The following PRCP variants were observed in gnomAD, a reference collection of about 807,000 sequenced individuals.
The protein encoded by PRCP is lysosomal Pro-X carboxypeptidase.
Under a neutral mutation model 54.2 loss-of-function variants are expected in PRCP, and 46 were observed. The observed-to-expected ratio is 0.85, with a 90% CI of 0.67 to 1.09. The LOEUF (loss-of-function observed/expected upper bound fraction) is 1.09, where lower values mean the gene tolerates loss of function less well. Ranked by LOEUF, PRCP falls within the 50% of genes least tolerant of loss-of-function variation. The probability of loss-of-function intolerance (pLI) is 0.00; values close to 1 mark genes in which losing one functional copy is unlikely to be tolerated. For synonymous variants in PRCP, 240 were observed against 212.2 expected (o/e 1.13, Z -1.14); for missense variants, 613 against 596.8 (o/e 1.03, Z -0.28).
intron 1 of PRCP, among the ~76,000 whole-genome samples, chr11:82,888,982 T>C (rs111394587): frequency 2.6e-3 from 403 of 152,274 alleles, no homozygotes; most frequent in Non-Finnish European, 4.4e-3. Context: ...TATAAAAGAT[T>C]ATATATAACA....
In PRCP at chr11:82,823,201, G is replaced by A. The variant is rs1858138039; in HGVS notation, c.*1705C>T. Among the ~76,000 whole-genome samples, 1 of 151,988 alleles carries A rather than the reference G, an allele frequency of 6.6e-6. No homozygotes were observed. The highest frequency in any genetic ancestry group is 2.4e-5 in the African/African-American group (1 of 41,360). ...CAAATAATCAACATCAAATAAAATGGCAAAGTATTTTAAAGATTCTACACA... is the reference window on the plus strand; with the variant it reads ...CAAATAATCAACATCAAATAAAATGACAAAGTATTTTAAAGATTCTACACA... On this transcript the variant is annotated 3_prime_UTR_variant, in exon 9 of 9. Transcript: ENST00000313010.
Position 82,900,309 on chromosome 11 carries a change from G to C in PRCP, c.94C>G (p.Leu32Val), listed in dbSNP as rs775132849. ...LRPALRALGS[L>V]HLPTNPTSLP... ...GATGTGGGGTTGGTTGGCAAGTGTA[G>C]GCTGCCGAGGGCCCTTAAGGCCGGC... The change falls in exon 1 of 9, where the codon CTA becomes GTA. Residue 32 changes from leucine to valine, a missense_variant. Transcript: ENST00000313010. 6.2e-7 allele frequency: 1 copy of C among 1,614,244 alleles called. No individual in the cohort carries two copies. The highest frequency in any genetic ancestry group is 2.2e-5 in the East Asian group (1 of 44,894).
chr11:82,836,894 C>G, intron 8 of PRCP: 1 of 386,720 alleles, frequency 2.6e-6, no homozygotes, highest in Non-Finnish European at 5.2e-6. Context: ...GTTCTACAGA[C>G]GGTAATAACC....
intron 2 of PRCP, among the ~76,000 whole-genome samples, chr11:82,856,609 ATTCAT>A (rs1859087336): frequency 6.6e-6 from 1 of 152,186 alleles, no homozygotes; most frequent in African/African-American, 2.4e-5. Context: ...TGATGGGATC[ATTCAT>A]ACACCAAATC....
At chr11:82,838,267 C>A (rs1858572160) in intron 8 of PRCP, 120 bp downstream of exon 8, 1 of 896,858 alleles carries the variant, frequency 1.1e-6, no homozygotes, top group Non-Finnish European at 1.6e-6. Flanking sequence ...GAAAACATGA[C>A]AGGTAGCACT....
intron 8 of PRCP, chr11:82,835,457 T>C (rs540307025): frequency 8.4e-5 from 16 of 190,530 alleles, no homozygotes; most frequent in African/African-American, 3.8e-4. Flanking sequence ...GCCAGGGGCC[T>C]GGGGCTGGGC....
intron 1 of PRCP, among the ~76,000 whole-genome samples, chr11:82,895,449 C>G (rs12282793): frequency 0.24 from 36,461 of 152,004 alleles, 4,934 homozygotes; most frequent in Admixed American, 0.3. Flanking sequence ...CAGGTGTGAG[C>G]CACCACACCC....
At position 82,900,405 on chromosome 11, in the gene PRCP, C is replaced by G. The variant is rs1860248981; in HGVS notation, c.-3G>C. On this transcript the variant is annotated 5_prime_UTR_variant, in exon 1 of 9. Coordinates refer to ENST00000313010, the MANE Select transcript of PRCP (RefSeq NM_005040.4). ...AGCAGGAGGGCTCGGCGGCCCATGG[C>G]TCAGGCTGGAGACTGCAGTGCGGGT... 6.2e-7 allele frequency: 1 copy of G among 1,613,180 alleles called. No homozygotes were observed. The highest frequency in any genetic ancestry group is 8.5e-7 in the Non-Finnish European group (1 of 1,179,824).
rs115092430 is a variant in PRCP, at chr11:82,841,774, T to C, written c.922-2349A>G. 4.0e-3 allele frequency among the ~76,000 whole-genome samples: 609 copies of C among 152,246 alleles called. 5 individuals are homozygous for C. The highest frequency in any genetic ancestry group is 0.014 in the African/African-American group (578 of 41,530). On this transcript the variant is annotated intron_variant, in intron 6 of 8. Coordinates refer to ENST00000313010, the MANE Select transcript of PRCP (RefSeq NM_005040.4). ...GATTTTTCATGGTAAGTCAAAAAAA[T>C]ACCTAACATTTGCATGGCACTTTTC...
In PRCP at chr11:82,900,309, G is replaced by T. The variant is rs775132849; in HGVS notation, c.94C>A (p.Leu32Ile). The T allele has an allele frequency of 6.2e-7, 1 of 1,614,126 alleles. No individual in the cohort carries two copies. The highest frequency in any genetic ancestry group is 1.3e-5 in the African/African-American group (1 of 74,946). ...GATGTGGGGTTGGTTGGCAAGTGTA[G>T]GCTGCCGAGGGCCCTTAAGGCCGGC... The part of the protein sequence containing the change: ...LRPALRALGS[L>I]HLPTNPTSLP... Residue 32 changes from leucine (L) to isoleucine (I), a missense_variant, in exon 1 of 9, where the codon CTA becomes ATA. Physicochemically the swap from Leu to Ile is conservative, Grantham distance 5. Transcript: ENST00000313010.
intron 8 of PRCP, chr11:82,830,217 A>T (rs1858343533): frequency 6.6e-6 from 1 of 152,230 alleles, no homozygotes; most frequent in South Asian, 2.1e-4. Flanking sequence ...CTGTAAGCAT[A>T]ATAAGTATTA....
At chr11:82,835,288 G>C (rs1366393241) in intron 8 of PRCP, among the ~76,000 whole-genome samples, 1 of 151,936 alleles carries the variant, frequency 6.6e-6, no homozygotes, top group Non-Finnish European at 1.5e-5. Flanking sequence ...TTTGCAAAGT[G>C]GGCAGTGCCA....
chr11:82,859,413 C>A (rs923760092), intron 2 of PRCP, among the ~76,000 whole-genome samples: 1 of 152,078 alleles, frequency 6.6e-6, no homozygotes, highest in Non-Finnish European at 1.5e-5. Flanking sequence ...TTTATTCATT[C>A]ATTCATTTAA....
chr11:82,887,191 A>G (rs1436593232), intron 1 of PRCP, among the ~76,000 whole-genome samples: 2 of 152,160 alleles, frequency 1.3e-5, no homozygotes, highest in Admixed American at 6.5e-5. Context: ...CATCATTACC[A>G]TCTATAGGAT....
At chr11:82,849,410 T>A (rs1858891780) in intron 5 of PRCP, among the ~76,000 whole-genome samples, 192 bp from the exon 6 acceptor site, 2 of 152,218 alleles carry the variant, frequency 1.3e-5, no homozygotes, top group South Asian at 4.1e-4. Flanking sequence ...CCATAATTAG[T>A]ATTCAGAATT....
chr11:82,886,153 C>A (rs536872961), intron 1 of PRCP, among the ~76,000 whole-genome samples: 26 of 152,268 alleles, frequency 1.7e-4, no homozygotes, highest in Middle Eastern at 3.4e-3. Flanking sequence ...TAATTGAAAT[C>A]TCCATTATAT....
intron 6 of PRCP, among the ~76,000 whole-genome samples, chr11:82,841,368 T>C (rs926010030): frequency 1.3e-5 from 2 of 152,016 alleles, no homozygotes; most frequent in South Asian, 4.1e-4. Context: ...TTCCATGGAA[T>C]GTTTATTGGT....
At chr11:82,842,481 T>C (rs1858697050) in intron 6 of PRCP, among the ~76,000 whole-genome samples, 1 of 152,180 alleles carries the variant, frequency 6.6e-6, no homozygotes, top group Non-Finnish European at 1.5e-5. Flanking sequence ...TTAGAAAATC[T>C]AGAAGAGAGC....
At chr11:82,851,175 G>GA (rs1383649134) in intron 3 of PRCP, among the ~76,000 whole-genome samples, 3 of 152,158 alleles carry the variant, frequency 2.0e-5, no homozygotes, top group African/African-American at 7.2e-5. Flanking sequence ...GTCCTGCTGA[G>GA]CTGAGAAGGC....
Sources: gnomAD v4.1 joint callset for allele counts (sites outside exome capture counted in the v4.1 genomes callset) on GRCh38, gnomAD v4.1.1 for gene constraint, MANE v1.5 for transcripts, NCBI Gene and HGNC (gene_info 2026-07-23, HGNC 2026-07-21) for gene names.